The following ARAP2 variants were observed in gnomAD, a reference collection of about 807,000 sequenced individuals.
ARAP2 encodes ArfGAP with RhoGAP domain, ankyrin repeat and PH domain 2.
In ARAP2, 148 loss-of-function variants were observed where a neutral mutation model predicts 194.5. The observed-to-expected ratio is 0.76, with a 90% CI of 0.67 to 0.87. The LOEUF (loss-of-function observed/expected upper bound fraction) is 0.87. Ranked by LOEUF, ARAP2 falls within the 40% of genes least tolerant of loss-of-function variation. The pLI is 0.00. For synonymous variants in ARAP2, 695 were observed against 683.5 expected (o/e 1.02, Z -0.26); for missense variants, 2,128 against 1,989.7 (o/e 1.07, Z -1.32).
At chr4:36,104,786 T>A (rs949102861) in intron 27 of ARAP2, among the ~76,000 whole-genome samples, 1 of 152,006 alleles carries the variant, frequency 6.6e-6, no homozygotes, top group South Asian at 2.1e-4. Context: ...ATAAGAGTAC[T>A]TTAGACATTT....
At chr4:36,157,578 G>A (rs1169137114) in intron 15 of ARAP2, 1 of 152,218 alleles carries the variant, frequency 6.6e-6, no homozygotes, top group East Asian at 1.9e-4. Context: ...CAAATCAGGT[G>A]TAAAATTCTG....
chr4:36,053,068 C>T (rs1362943241), intron 2 of ARAP2, among the ~76,000 whole-genome samples: 3 of 151,930 alleles, frequency 2.0e-5, no homozygotes, highest in Non-Finnish European at 4.4e-5. Flanking sequence ...AGTGCAGTGG[C>T]GCGTTCTTGG....
At chr4:36,190,178 A>G (rs1025138512) in intron 7 of ARAP2, among the ~76,000 whole-genome samples, 4 of 152,216 alleles carry the variant, frequency 2.6e-5, no homozygotes, top group African/African-American at 9.6e-5. Flanking sequence ...TTCATATTTC[A>G]GCATAAATAT....
chr4:36,117,242 T>A (rs776105457), intron 24 of ARAP2, 107 bp from the exon 25 acceptor site: 15 of 767,772 alleles, frequency 2.0e-5, no homozygotes, highest in African/African-American at 3.7e-5. Context: ...GAATATTTTA[T>A]AACAATGAAA....
intron 13 of ARAP2, among the ~76,000 whole-genome samples, chr4:36,159,909 G>A (rs1016968690): frequency 6.6e-6 from 1 of 152,168 alleles, no homozygotes; most frequent in Non-Finnish European, 1.5e-5. Flanking sequence ...ATCTAATCAG[G>A]AGCTGCAGAA....
At chr4:36,107,519 A>G in intron 27 of ARAP2, 46 bp downstream of exon 27, 2 of 1,565,554 alleles carry the variant, frequency 1.3e-6, no homozygotes, top group East Asian at 4.6e-5. Context: ...CCCTTTAACC[A>G]CTTGAATTTT....
At chr4:36,127,929 A>G (rs189920401) in intron 21 of ARAP2, among the ~76,000 whole-genome samples, 40 of 152,100 alleles carry the variant, frequency 2.6e-4, no homozygotes, top group South Asian at 6.2e-4. Context: ...CTTGTTTTAA[A>G]TCATCGGAGG....
chr4:36,098,209 A>G (rs1715850611), intron 27 of ARAP2, among the ~76,000 whole-genome samples: 1 of 152,082 alleles, frequency 6.6e-6, no homozygotes, highest in Admixed American at 6.6e-5. Context: ...ACATACACCC[A>G]GGAATGGCAT....
At chr4:36,005,843 A>G (rs1713164659) in intron 10 of ARAP2, 2 of 152,204 alleles carry the variant, frequency 1.3e-5, no homozygotes, top group South Asian at 4.1e-4. Context: ...TGGAGTGAAT[A>G]TCTTCAAAGG....
chr4:36,109,924 A>G (rs1711146255), intron 26 of ARAP2, among the ~76,000 whole-genome samples: 1 of 139,126 alleles, frequency 7.2e-6, no homozygotes. Context: ...AACGGTTGCC[A>G]TTTATGGAAT....
chr4:36,053,728 T>C (rs1244867434), intron 2 of ARAP2, among the ~76,000 whole-genome samples: 24 of 152,314 alleles, frequency 1.6e-4, no homozygotes, highest in Non-Finnish European at 1.5e-5. Context: ...CTAAAAGGAA[T>C]TTATTAAAAT....
intron 20 of ARAP2, 85 bp downstream of exon 20, chr4:36,133,141 T>A: frequency 7.4e-7 from 1 of 1,360,440 alleles, no homozygotes; most frequent in South Asian, 1.4e-5. Flanking sequence ...GGGTTTTAAC[T>A]CAGTCCAATA....
At chr4:36,092,589 A>G (rs2109391755) in intron 27 of ARAP2, among the ~76,000 whole-genome samples, 1 of 152,284 alleles carries the variant, frequency 6.6e-6, no homozygotes, top group Non-Finnish European at 1.5e-5. Flanking sequence ...CAGCCTGGGT[A>G]ACAGAGAGAA....
chr4:36,243,434 A>G (rs1753964665), intron 1 of ARAP2, among the ~76,000 whole-genome samples: 1 of 151,502 alleles, frequency 6.6e-6, no homozygotes, highest in Non-Finnish European at 1.5e-5. Context: ...ACCTACTTAC[A>G]ACACCCTAAG....
At chr4:36,197,184 C>T (rs141390945) in intron 6 of ARAP2, among the ~76,000 whole-genome samples, 147 of 152,060 alleles carry the variant, frequency 9.7e-4, no homozygotes, top group Non-Finnish European at 1.5e-3. Flanking sequence ...TTGATATACG[C>T]ATACAATGTG....
At position 36,083,257 on chromosome 4, in the gene ARAP2, C is replaced by T. The variant is rs1730026951; in HGVS notation, c.4508+111G>A. On this transcript the variant is annotated intron_variant, in intron 29 of 32. Coordinates refer to ENST00000303965, the MANE Select transcript of ARAP2 (RefSeq NM_015230.4). ...GGGGAAGCAACTTAAAAAAAATAGC[C>T]TAAAACTTACTTTATAAAAAGTTAG... 3.7e-6 allele frequency: 3 copies of T among 813,388 alleles called. No homozygotes were observed. The Admixed American group carries it at 8.8e-5, about 24-fold the overall frequency. The allele number at this position is 813,388 out of a possible 1,614,324, so 50.4% of individuals were successfully genotyped here. A position where few individuals can be genotyped will look rare whatever the true frequency, so the allele number is the denominator to read the frequency against.
Position 36,213,273 on chromosome 4 carries a change from G to A in ARAP2, c.1011C>T (p.Thr337=). The change falls in exon 4 of 33, where the codon ACC becomes ACT. Residue 337 remains threonine, a synonymous_variant. Coordinates refer to ENST00000303965, the MANE Select transcript of ARAP2 (RefSeq NM_015230.4). ...NSSSIFPYGE[T]FLFQRLENSK... Reference sequence around the variant, plus strand: ...AATTTTCTAGTCTCTGGAAGAGAAAGGTCTCTCCATAAGGAAAGATGGAAG... The same window carrying A: ...AATTTTCTAGTCTCTGGAAGAGAAAAGTCTCTCCATAAGGAAAGATGGAAG... 6.2e-7 allele frequency: 1 copy of A among 1,608,016 alleles called. No individual in the cohort carries two copies. Among genetic ancestry groups the A allele is most frequent in the Non-Finnish European group, 8.5e-7 (1 of 1,175,030 alleles).
At position 36,178,039 on chromosome 4, in the gene ARAP2, C is replaced by A. The variant is rs754715361; in HGVS notation, c.1679-34G>T. On this transcript the variant is annotated intron_variant, in intron 8 of 32. Coordinates refer to ENST00000303965, the MANE Select transcript of ARAP2 (RefSeq NM_015230.4). Reference sequence around the variant, plus strand: ...GAAGACAGGAGAAAATACATAAATCCACATATAAGTTACATAGACACAGAA... The same window carrying A: ...GAAGACAGGAGAAAATACATAAATCAACATATAAGTTACATAGACACAGAA... The A allele has an allele frequency of 2.1e-5, 32 of 1,544,902 alleles. No individual in the cohort carries two copies. In the Middle Eastern group the frequency reaches 8.6e-4, roughly 42 times the overall value.
At position 36,128,652 on chromosome 4, in the gene ARAP2, T is replaced by C. The variant is rs201620717; in HGVS notation, c.3521A>G (p.Lys1174Arg). 1.2e-6 allele frequency: 2 copies of C among 1,612,972 alleles called. No homozygotes were observed. The highest frequency in any genetic ancestry group is 2.7e-5 in the African/African-American group (2 of 74,950). Residue 1174 changes from lysine to arginine, a missense_variant, in exon 21 of 33, where the codon AAA (lysine) becomes AGA (arginine). By Grantham distance (26) the Lys-to-Arg change is conservative. Coordinates refer to ENST00000303965, the MANE Select transcript of ARAP2 (RefSeq NM_015230.4). ...ESFKKDARSF[K>R]LRAGKHQLED... ...AAGCTGATGTTTTCCAGCCCTCAAT[T>C]TAAAGCTTCTTGCATCCTTTTTGAA... is the stretch of plus-strand genomic sequence containing the variant.
Sources: allele counts gnomAD v4.1 joint callset (sites outside exome capture counted in the v4.1 genomes callset), GRCh38; gene constraint gnomAD v4.1.1; transcripts MANE v1.5; gene names NCBI Gene and HGNC (gene_info 2026-07-23, HGNC 2026-07-21).